The following SUGP2 variants were observed in gnomAD, a reference collection of about 807,000 sequenced individuals.
SUGP2 encodes the protein SURP and G-patch domain containing 2.
Under a neutral mutation model 90.5 loss-of-function variants are expected in SUGP2, and 24 were observed. That is an observed-to-expected ratio of 0.27 (90% CI 0.19 to 0.37). SUGP2 has a LOEUF of 0.37. SUGP2 is among the 10% of genes least tolerant of loss of function. The probability of loss-of-function intolerance (pLI) is 1.00; values close to 1 mark genes in which losing one functional copy is unlikely to be tolerated. For synonymous variants in SUGP2, 473 were observed against 513.4 expected, an observed-to-expected ratio of 0.92 and a Z score of 1.06; for missense variants, 1,233 against 1,363.3, an observed-to-expected ratio of 0.90 and a Z score of 1.51.
At position 19,031,092 on chromosome 19, in the gene SUGP2, G is replaced by C. The variant is rs765592645; in HGVS notation, c.-11-10C>G. 2.7e-5 allele frequency: 43 copies of C among 1,604,496 alleles called. No homozygotes were observed. The highest frequency in any genetic ancestry group is 2.9e-5 in the Non-Finnish European group (34 of 1,177,336). ...GCCATGTTATTTTGCCCTATGGTGA[G>C]AGAGAAAAAAATACACTAAGAGCAA... is the stretch of plus-strand genomic sequence containing the variant. On this transcript the variant is annotated splice_polypyrimidine_tract_variant and intron_variant, in intron 1 of 10. Transcript: ENST00000452918.
At chr19:19,017,994 A>C (rs2058565446) in intron 4 of SUGP2, among the ~76,000 whole-genome samples, 1 of 150,888 alleles carries the variant, frequency 6.6e-6, no homozygotes, top group South Asian at 2.1e-4. Context: ...CTGTAATCCC[A>C]GCACTTTGGG....
intron 4 of SUGP2, among the ~76,000 whole-genome samples, chr19:19,015,097 G>C (rs2058448710): frequency 6.6e-6 from 1 of 152,024 alleles, no homozygotes; most frequent in Non-Finnish European, 1.5e-5. Flanking sequence ...AGCTACTAGG[G>C]AGGCTGAGGC....
At position 19,010,145 on chromosome 19, in the gene SUGP2, A is replaced by G. The variant is rs751375520; in HGVS notation, c.2048T>C (p.Leu683Pro). 16 of 1,612,198 alleles carry G rather than the reference A, an allele frequency of 9.9e-6. No individual in the cohort carries two copies. The East Asian group carries it at 3.3e-4, about 34-fold the overall frequency. ...CCAGCCCCGGAGCCCTTGAGCACGG[A>G]GGAGCCCCCGCCGCTGCCACGGAAG... is the stretch of plus-strand genomic sequence containing the variant. ...KLLPWQRRGL[L>P]RAQGLRGWKA... Residue 683 changes from leucine to proline, a missense_variant, in exon 5 of 11, where the codon CTC becomes CCC. Leu to Pro is a moderately conservative substitution (Grantham distance 98). Coordinates refer to ENST00000452918, the MANE Select transcript of SUGP2 (RefSeq NM_001017392.5).
At chr19:19,009,823 C>A in intron 5 of SUGP2, 32 bp downstream of exon 5, 1 of 1,564,854 alleles carries the variant, frequency 6.4e-7, no homozygotes. Flanking sequence ...GGGACTGGGG[C>A]CCAGAGGAGG....
intron 4 of SUGP2, among the ~76,000 whole-genome samples, chr19:19,015,453 T>G (rs761643887): frequency 1.7e-4 from 26 of 152,026 alleles, no homozygotes; most frequent in Non-Finnish European, 1.9e-4. Flanking sequence ...TTTCTTTACT[T>G]ATTGCTGTGC....
intron 3 of SUGP2, among the ~76,000 whole-genome samples, chr19:19,021,296 A>G (rs2058718780): frequency 6.6e-6 from 1 of 151,882 alleles, no homozygotes; most frequent in Non-Finnish European, 1.5e-5. Flanking sequence ...GTCTGTGTCC[A>G]TGTTGCAGCT....
At chr19:19,014,016 G>A (rs2058401063) in intron 4 of SUGP2, among the ~76,000 whole-genome samples, 1 of 152,064 alleles carries the variant, frequency 6.6e-6, no homozygotes, top group Admixed American at 6.6e-5. Context: ...GATTTGAGAC[G>A]GTGTTTTGCT....
chr19:18,994,604 A>G, intron 9 of SUGP2, 118 bp from the exon 10 acceptor site: 1 of 1,377,284 alleles, frequency 7.3e-7, no homozygotes, highest in South Asian at 1.4e-5. Context: ...ACACTGAGAC[A>G]TCAAAGAAAG....
chr19:19,006,237 T>TAAAA (rs1440438617), intron 6 of SUGP2, among the ~76,000 whole-genome samples: 1 of 151,500 alleles, frequency 6.6e-6, no homozygotes, highest in Non-Finnish European at 1.5e-5. Flanking sequence ...AATAAATAAA[T>TAAAA]AAAACGGATT....
At chr19:19,002,820 G>A (rs2057897770) in intron 7 of SUGP2, among the ~76,000 whole-genome samples, 2 of 151,888 alleles carry the variant, frequency 1.3e-5, no homozygotes, top group African/African-American at 4.8e-5. Context: ...GCGCAGGTCT[G>A]GTTTTTATCT....
At chr19:19,027,442 C>A (rs181768900) in intron 2 of SUGP2, among the ~76,000 whole-genome samples, 3 of 152,336 alleles carry the variant, frequency 2.0e-5, no homozygotes, top group Admixed American at 2.0e-4. Flanking sequence ...AAGCACTGTA[C>A]TAGGCACTGA....
intron 7 of SUGP2, among the ~76,000 whole-genome samples, chr19:19,002,516 T>G (rs1295943696): frequency 0.02 from 2,737 of 140,032 alleles, 76 homozygotes; most frequent in African/African-American, 0.069. Flanking sequence ...TTTTTTTTTT[T>G]TTTTTTTTTT....
intron 5 of SUGP2, among the ~76,000 whole-genome samples, 186 bp downstream of exon 5, chr19:19,009,669 T>C (rs1433395911): frequency 1.3e-5 from 2 of 152,136 alleles, no homozygotes; most frequent in Admixed American, 1.3e-4. Flanking sequence ...GCTGCAGGAC[T>C]CGCATGCAGC....
chr19:18,994,276 A>G, intron 10 of SUGP2, 90 bp downstream of exon 10: 1 of 1,527,796 alleles, frequency 6.5e-7, no homozygotes. Context: ...TTGGGGGAGC[A>G]GGGAACATCA....
At chr19:18,995,111 A>AACCCCCCCCCGCGGC in intron 9 of SUGP2, 33 bp downstream of exon 9, 1 of 949,174 alleles carries the variant, frequency 1.1e-6, no homozygotes, top group Non-Finnish European at 1.6e-6. Flanking sequence ...CTGAGGCCCC[A>AACCCCCCCCCGCGGC]CCCACTCCCA....
chr19:19,009,758 T>G lies in SUGP2; in HGVS notation c.2338+97A>C, dbSNP rs528242806. On this transcript the variant is annotated intron_variant, in intron 5 of 10. Coordinates refer to ENST00000452918, the MANE Select transcript of SUGP2 (RefSeq NM_001017392.5). ...GTCCCTAGAGCTTTTATCCACTGCC[T>G]TGCCTAGATTGCAGGCCCCCCCAAT... is the stretch of plus-strand genomic sequence containing the variant. The G allele has an allele frequency of 1.4e-4, 198 of 1,460,746 alleles. No homozygotes were observed. In the South Asian group the frequency reaches 2.6e-3, roughly 19 times the overall value. The allele number at this position is 1,460,746 out of a possible 1,614,324, so 90.5% of individuals were successfully genotyped here.
At chr19:19,011,978 C>G (rs528705616) in intron 4 of SUGP2, among the ~76,000 whole-genome samples, 25 of 152,264 alleles carry the variant, frequency 1.6e-4, no homozygotes, top group Admixed American at 1.5e-3. Flanking sequence ...TATTAAGTAG[C>G]GACATATCAG....
At chr19:18,998,517 C>T (rs1176374407) in intron 8 of SUGP2, among the ~76,000 whole-genome samples, 1 of 152,102 alleles carries the variant, frequency 6.6e-6, no homozygotes, top group Non-Finnish European at 1.5e-5. Context: ...CCTTCAAAGG[C>T]GGAGGGAAAT....
intron 4 of SUGP2, among the ~76,000 whole-genome samples, chr19:19,012,498 C>A (rs2145516613): frequency 6.6e-6 from 1 of 152,316 alleles, no homozygotes; most frequent in African/African-American, 2.4e-5. Flanking sequence ...ACAGAGAACA[C>A]TCAACAAGCC....
Sources: allele counts gnomAD v4.1 joint callset (sites outside exome capture counted in the v4.1 genomes callset), GRCh38; gene constraint gnomAD v4.1.1; transcripts MANE v1.5; gene names NCBI Gene and HGNC (gene_info 2026-07-23, HGNC 2026-07-21).